Variants in GJB7 observed in about 807,000 individuals in gnomAD.
GJB7 encodes gap junction beta-7 protein.
For synonymous variants in GJB7, 87 were observed against 95.2 expected, an observed-to-expected ratio of 0.91 and a Z score of 0.50; for missense variants, 253 against 256.8, an observed-to-expected ratio of 0.99 and a Z score of 0.10.
chr6:87,293,446 T>A (rs1473180595), intron 2 of GJB7, among the ~76,000 whole-genome samples: 1 of 151,978 alleles, frequency 6.6e-6, no homozygotes, highest in Non-Finnish European at 1.5e-5. Context: ...TGGGTTTTTG[T>A]TTTGTTTTTG....
At chr6:87,297,527 A>C (rs1170231663) in intron 2 of GJB7, among the ~76,000 whole-genome samples, 1 of 152,258 alleles carries the variant, frequency 6.6e-6, no homozygotes, top group Non-Finnish European at 1.5e-5. Flanking sequence ...ATCAGAAAAA[A>C]GAATATAAAA....
rs191399751 is a variant in GJB7 at position 87,294,848 on chromosome 6, T to C, written c.-27-9909A>G. On this transcript the variant is annotated intron_variant, in intron 2 of 2. Transcript: ENST00000525899. ...CTAATTCCAGGTTTGTTTGTTTTTT[T>C]CCCCACAATACATATCCAGCCCATA... 2.0e-5 allele frequency among the ~76,000 whole-genome samples: 3 copies of C among 152,300 alleles called. No individual in the cohort carries two copies. The East Asian group carries it at 5.8e-4, about 29-fold the overall frequency.
intron 2 of GJB7, among the ~76,000 whole-genome samples, chr6:87,293,044 A>AT (rs1398487824): frequency 6.6e-6 from 1 of 152,060 alleles, no homozygotes; most frequent in East Asian, 1.9e-4. Context: ...TTTATTTTTT[A>AT]TTTTTTGAGA....
chr6:87,302,134 A>G (rs1175832963), intron 2 of GJB7, among the ~76,000 whole-genome samples: 1 of 152,236 alleles, frequency 6.6e-6, no homozygotes, highest in African/African-American at 2.4e-5. Flanking sequence ...TCCCCCTCCA[A>G]AGGAATGCAG....
At chr6:87,310,839 A>G (rs1332584286) in intron 2 of GJB7, among the ~76,000 whole-genome samples, 1 of 152,232 alleles carries the variant, frequency 6.6e-6, no homozygotes, top group African/African-American at 2.4e-5. Flanking sequence ...TTGTATAAGA[A>G]TTAACTCAAA....
intron 1 of GJB7, among the ~76,000 whole-genome samples, chr6:87,324,952 G>A (rs1283042141): frequency 2.6e-5 from 4 of 152,092 alleles, no homozygotes; most frequent in Non-Finnish European, 5.9e-5. Context: ...TCCTTGAGCA[G>A]TGGTTTGTAG....
At chr6:87,326,099 G>A (rs946816341) in intron 1 of GJB7, among the ~76,000 whole-genome samples, 2 of 152,154 alleles carry the variant, frequency 1.3e-5, no homozygotes, top group African/African-American at 4.8e-5. Flanking sequence ...ATTTCTGTGG[G>A]ATCGGTGGTG....
At chr6:87,302,857 G>C (rs901053444) in intron 2 of GJB7, among the ~76,000 whole-genome samples, 14 of 152,072 alleles carry the variant, frequency 9.2e-5, no homozygotes, top group Non-Finnish European at 1.5e-5. Context: ...AGCCAGAAGA[G>C]AGTGGGGGCC....
At chr6:87,287,577 A>G (rs1204720385) in intron 2 of GJB7, among the ~76,000 whole-genome samples, 3 of 152,220 alleles carry the variant, frequency 2.0e-5, no homozygotes, top group African/African-American at 7.2e-5. Context: ...TATTAAATAA[A>G]AAGGATTCTT....
intron 2 of GJB7, among the ~76,000 whole-genome samples, chr6:87,296,770 G>A (rs892230000): frequency 6.6e-6 from 1 of 152,124 alleles, no homozygotes; most frequent in Non-Finnish European, 1.5e-5. Context: ...AGGGGAAGGG[G>A]GTTGATGTGG....
At chr6:87,327,071 C>T (rs1776841082) in intron 1 of GJB7, among the ~76,000 whole-genome samples, 1 of 150,902 alleles carries the variant, frequency 6.6e-6, no homozygotes, top group African/African-American at 2.5e-5. Flanking sequence ...TCTGTTTTAT[C>T]AGAGACTAGG....
chr6:87,322,102 C>T (rs1776675678), intron 2 of GJB7, among the ~76,000 whole-genome samples: 2 of 152,132 alleles, frequency 1.3e-5, no homozygotes, highest in African/African-American at 4.8e-5. Context: ...AACCAGCATC[C>T]CTATATCTAT....
chr6:87,301,140 A>T, intron 2 of GJB7, among the ~76,000 whole-genome samples: 1 of 152,162 alleles, frequency 6.6e-6, no homozygotes, highest in Non-Finnish European at 1.5e-5. Context: ...TTTCCAACTG[A>T]GGTACCGAGT....
At chr6:87,306,990 C>T (rs1049666048) in intron 2 of GJB7, among the ~76,000 whole-genome samples, 2 of 151,774 alleles carry the variant, frequency 1.3e-5, no homozygotes, top group African/African-American at 4.8e-5. Context: ...CACATGGACA[C>T]AGGAAGGGGA....
chr6:87,289,314 T>C (rs551151685), intron 2 of GJB7, among the ~76,000 whole-genome samples: 2 of 152,348 alleles, frequency 1.3e-5, no homozygotes, highest in South Asian at 2.1e-4. Flanking sequence ...TGTAATCATA[T>C]ACTTGTTTTC....
chr6:87,287,230 CTT>C (rs904767930), intron 2 of GJB7, among the ~76,000 whole-genome samples: 5 of 152,212 alleles, frequency 3.3e-5, no homozygotes, highest in Non-Finnish European at 7.4e-5. Flanking sequence ...CAGGTGAAAA[CTT>C]TGCCTTTTCA....
chr6:87,286,050 A>G (rs761385405), intron 2 of GJB7, among the ~76,000 whole-genome samples: 2 of 151,970 alleles, frequency 1.3e-5, no homozygotes, highest in Non-Finnish European at 2.9e-5. Context: ...TGATTCTTTC[A>G]TCTTCGTTTT....
chr6:87,314,133 G>C (rs1262350914), intron 2 of GJB7, among the ~76,000 whole-genome samples: 1 of 152,232 alleles, frequency 6.6e-6, no homozygotes, highest in African/African-American at 2.4e-5. Context: ...TGTATGGTAA[G>C]CAGCAATTTC....
chr6:87,320,050 T>A (rs1484124811), intron 2 of GJB7, among the ~76,000 whole-genome samples: 1 of 152,012 alleles, frequency 6.6e-6, no homozygotes, highest in East Asian at 1.9e-4. Context: ...GAAATGGGGA[T>A]TTTTAGCGGG....
Sources: allele counts gnomAD v4.1 joint callset (sites outside exome capture counted in the v4.1 genomes callset), GRCh38; gene constraint gnomAD v4.1.1; transcripts MANE v1.5; gene names NCBI Gene and HGNC (gene_info 2026-07-23, HGNC 2026-07-21).